Variants in PPP1R9A observed in about 807,000 individuals in gnomAD.
PPP1R9A encodes the protein neurabin-1.
In PPP1R9A, 59 loss-of-function variants were observed where a neutral mutation model predicts 141.9. The observed-to-expected ratio is 0.42, with a 90% confidence interval of 0.34 to 0.52. The LOEUF is 0.52. Among genes scored for constraint, PPP1R9A ranks in the 20% least tolerant of loss-of-function variants. PPP1R9A has a pLI of 0.10. For missense variants in PPP1R9A, 1,444 were observed against 1,611.9 expected (o/e 0.90, Z 1.78); for synonymous variants, 500 against 569.7 (o/e 0.88, Z 1.74).
At chr7:95,089,451 G>A (rs1383976375) in intron 2 of PPP1R9A, among the ~76,000 whole-genome samples, 1 of 152,074 alleles carries the variant, frequency 6.6e-6, no homozygotes, top group African/African-American at 2.4e-5. Flanking sequence ...TTGAATAGCT[G>A]TGTGAATGTG....
intron 5 of PPP1R9A, among the ~76,000 whole-genome samples, chr7:95,168,710 A>T (rs1474362457): frequency 6.6e-6 from 1 of 152,122 alleles, no homozygotes; most frequent in Non-Finnish European, 1.5e-5. Flanking sequence ...AAATAGTCTC[A>T]TTAAAAAGTC....
At chr7:95,032,219 C>T (rs1018480181) in intron 2 of PPP1R9A, among the ~76,000 whole-genome samples, 1 of 152,118 alleles carries the variant, frequency 6.6e-6, no homozygotes, top group Non-Finnish European at 1.5e-5. Context: ...AGGTATCCAT[C>T]CGTGCTTCTC....
At chr7:95,142,656 C>T (rs1197565277) in intron 4 of PPP1R9A, among the ~76,000 whole-genome samples, 1 of 151,892 alleles carries the variant, frequency 6.6e-6, no homozygotes, top group Non-Finnish European at 1.5e-5. Flanking sequence ...TGTTGAAAAT[C>T]TGTTGATCAT....
chr7:95,178,560 GA>G (rs909817041), intron 5 of PPP1R9A, among the ~76,000 whole-genome samples: 8 of 150,500 alleles, frequency 5.3e-5, no homozygotes, highest in Non-Finnish European at 8.9e-5. Flanking sequence ...GAAATTGAAA[GA>G]AAAAAAATAC....
At position 95,103,360 on chromosome 7, in the gene PPP1R9A, T is replaced by C. The variant is rs1819045800; in HGVS notation, c.1396-7899T>C. Reference sequence around the variant, plus strand: ...TAGAGTATGTTTGGTTTTTTTTCACTTCTTTTTTTTTTTTTTTTTTGAGAC... The same window carrying C: ...TAGAGTATGTTTGGTTTTTTTTCACCTCTTTTTTTTTTTTTTTTTTGAGAC... On this transcript the variant is annotated intron_variant, in intron 2 of 19. Transcript: ENST00000433360. Among the ~76,000 whole-genome samples, 3 of 130,776 alleles carry C rather than the reference T, an allele frequency of 2.3e-5. No homozygotes were observed. The South Asian group carries it at 6.7e-4, about 29-fold the overall frequency. 85.8% of individuals were successfully genotyped at this position (130,776 alleles called of 152,430 possible).
Position 94,910,033 on chromosome 7 carries a change from G to A in PPP1R9A, c.-81G>A. ...GTACTTTTCTTGACCCAATACTGGT[G>A]ATTAGAGAAGAGAGGTATCTTGGTT... On this transcript the variant is annotated 5_prime_UTR_variant, in exon 2 of 20. Transcript: ENST00000433360. This position sits in a 1 kb window ranked among gnomAD's most constrained non-coding sequence, Gnocchi z 4.5. The A allele has an allele frequency of 1.6e-6, 2 of 1,249,586 alleles. No individual in the cohort carries two copies. The highest frequency in any genetic ancestry group is 2.9e-5 in the South Asian group (2 of 68,312). The allele number at this position is 1,249,586 out of a possible 1,614,324, so 77.4% of individuals were successfully genotyped here.
chr7:95,182,176 A>C (rs1833954550), intron 5 of PPP1R9A, among the ~76,000 whole-genome samples: 1 of 152,010 alleles, frequency 6.6e-6, no homozygotes, highest in African/African-American at 2.4e-5. Flanking sequence ...AAAAATAAAA[A>C]AATAAAAATG....
At chr7:95,199,128 A>C (rs1189865493) in intron 6 of PPP1R9A, among the ~76,000 whole-genome samples, 1 of 152,204 alleles carries the variant, frequency 6.6e-6, no homozygotes, top group East Asian at 1.9e-4. Context: ...CTAACCCCCA[A>C]GTGAAAACAG....
At chr7:95,115,453 T>TA (rs1231175169) in intron 3 of PPP1R9A, among the ~76,000 whole-genome samples, 2 of 152,196 alleles carry the variant, frequency 1.3e-5, no homozygotes, top group African/African-American at 4.8e-5. Flanking sequence ...AAGCCAGTGT[T>TA]AAACTATTTT....
chr7:94,971,091 G>A (rs1352397857), intron 2 of PPP1R9A, among the ~76,000 whole-genome samples: 1 of 152,146 alleles, frequency 6.6e-6, no homozygotes, highest in African/African-American at 2.4e-5. Context: ...TAGTAGGAGA[G>A]AGGGGAAAGG....
chr7:95,079,460 C>A lies in PPP1R9A; in HGVS notation c.1396-31799C>A, dbSNP rs1267068035. On this transcript the variant is annotated intron_variant, in intron 2 of 19. Coordinates refer to ENST00000433360, the MANE Select transcript of PPP1R9A (RefSeq NM_001166160.2). ...TGGCAATAATCAATAGCTTACCAAC[C>A]AAAAAGAGTCCAGGACCAGATGGAT... 2.6e-5 allele frequency among the ~76,000 whole-genome samples: 4 copies of A among 151,776 alleles called. No homozygotes were observed. The East Asian group carries it at 5.8e-4, about 22-fold the overall frequency.
At chr7:94,914,566 G>T (rs1457665597) in intron 2 of PPP1R9A, among the ~76,000 whole-genome samples, 1 of 152,100 alleles carries the variant, frequency 6.6e-6, no homozygotes, top group African/African-American at 2.4e-5. Flanking sequence ...ATTAGAATGG[G>T]ATTAATAATA....
At chr7:95,206,667 G>A (rs1007884218) in intron 7 of PPP1R9A, among the ~76,000 whole-genome samples, 2 of 152,118 alleles carry the variant, frequency 1.3e-5, no homozygotes, top group African/African-American at 4.8e-5. Context: ...ATTCTAGAAT[G>A]TAATTAGAAT....
intron 12 of PPP1R9A, among the ~76,000 whole-genome samples, chr7:95,264,440 C>A (rs1021093134): frequency 6.6e-6 from 1 of 152,052 alleles, no homozygotes; most frequent in African/African-American, 2.4e-5. Context: ...TAACGTCAAT[C>A]TAGTGAAAAA....
At chr7:95,096,404 T>G (rs1227986798) in intron 2 of PPP1R9A, among the ~76,000 whole-genome samples, 1 of 152,116 alleles carries the variant, frequency 6.6e-6, no homozygotes, top group African/African-American at 2.4e-5. Flanking sequence ...ATCATATTCT[T>G]GCCTTCCTTC....
intron 2 of PPP1R9A, among the ~76,000 whole-genome samples, chr7:95,089,319 T>C (rs1446812436): frequency 6.6e-6 from 1 of 152,022 alleles, no homozygotes; most frequent in African/African-American, 2.4e-5. Flanking sequence ...GAGGGCTCCA[T>C]CTCTTTCATG....
intron 5 of PPP1R9A, among the ~76,000 whole-genome samples, chr7:95,184,050 A>G (rs1005311053): frequency 6.6e-6 from 1 of 152,186 alleles, no homozygotes; most frequent in Non-Finnish European, 1.5e-5. Flanking sequence ...ATGTAAGAAT[A>G]TGCAGTTACA....
intron 3 of PPP1R9A, among the ~76,000 whole-genome samples, chr7:95,116,193 A>G (rs1821483532): frequency 6.6e-6 from 1 of 152,292 alleles, no homozygotes; most frequent in South Asian, 2.1e-4. Flanking sequence ...CTAATTCTAA[A>G]TTGAGTAAAC....
At chr7:94,930,409 C>G (rs1794008878) in intron 2 of PPP1R9A, among the ~76,000 whole-genome samples, 1 of 152,168 alleles carries the variant, frequency 6.6e-6, no homozygotes, top group African/African-American at 2.4e-5. Context: ...GCAATCTGAG[C>G]TCACTGCAAC....
Sources: allele counts gnomAD v4.1 joint callset (sites outside exome capture counted in the v4.1 genomes callset), GRCh38; gene constraint gnomAD v4.1.1; non-coding constraint Gnocchi (gnomAD v3.1); transcripts MANE v1.5; gene names NCBI Gene and HGNC (gene_info 2026-07-23, HGNC 2026-07-21).